GALNT13: variants seen among roughly 807,000 people sequenced by gnomAD.
GALNT13 encodes the protein UDP-GalNAc:polypeptide N-acetylgalactosaminyltransferase 13.
In GALNT13, 28 loss-of-function variants were observed where a neutral mutation model predicts 64.2. The observed-to-expected ratio is 0.44, with a 90% CI of 0.32 to 0.60. The LOEUF is 0.60. Among genes scored for constraint, GALNT13 ranks in the 20% least tolerant of loss-of-function variants. The probability of loss-of-function intolerance (pLI) is 0.05; values close to 1 mark genes in which losing one functional copy is unlikely to be tolerated. For missense variants in GALNT13, 577 were observed against 669.8 expected, an observed-to-expected ratio of 0.86 and a Z score of 1.53; for synonymous variants, 214 against 224.6, an observed-to-expected ratio of 0.95 and a Z score of 0.42.
chr2:154,304,798 T>A (rs1203814980), intron 9 of GALNT13, among the ~76,000 whole-genome samples: 2 of 152,204 alleles, frequency 1.3e-5, no homozygotes, highest in Admixed American at 1.3e-4. Context: ...ATGGATTTAT[T>A]TAAATGTAGA....
intron 8 of GALNT13, among the ~76,000 whole-genome samples, chr2:154,276,620 A>T (rs1691665419): frequency 6.6e-6 from 1 of 152,218 alleles, no homozygotes; most frequent in Non-Finnish European, 1.5e-5. Context: ...CTCATTGGGA[A>T]TGCATGATTG....
chr2:154,223,448 CTTTTTTTTTTTTT>C (rs61230257), intron 4 of GALNT13, among the ~76,000 whole-genome samples: 1 of 124,310 alleles, frequency 8.0e-6, no homozygotes, highest in Non-Finnish European at 1.7e-5. Flanking sequence ...TTTTCTTTTT[CTTTTTTTTTTTTT>C]TTTTTTTGAG....
the GALNT13 span, among the ~76,000 whole-genome samples, chr2:153,301,322 A>G: frequency 2.7e-5 from 4 of 150,474 alleles, no homozygotes; most frequent in African/African-American, 9.8e-5. Flanking sequence ...AAAAAAAGAA[A>G]AAAAAAAAGA....
chr2:154,365,295 A>G (rs561588928), intron 9 of GALNT13, among the ~76,000 whole-genome samples: 12 of 152,286 alleles, frequency 7.9e-5, no homozygotes, highest in African/African-American at 2.9e-4. Context: ...GTTGGATATA[A>G]ATGATTTTCA....
the GALNT13 span, among the ~76,000 whole-genome samples, chr2:153,269,138 T>C: frequency 1.5e-3 from 225 of 152,330 alleles, no homozygotes; most frequent in African/African-American, 5.2e-3. Context: ...TTCTACCTTG[T>C]GGTCAGGCTG....
the GALNT13 span, among the ~76,000 whole-genome samples, chr2:153,126,936 T>TTGGA: frequency 0.046 from 7,019 of 152,174 alleles, 259 homozygotes; most frequent in East Asian, 0.18. Flanking sequence ...TAATTTTTCG[T>TTGGA]TGGCTGGCTG....
chr2:154,144,779 G>A (rs950176063), intron 4 of GALNT13, among the ~76,000 whole-genome samples: 1 of 151,842 alleles, frequency 6.6e-6, no homozygotes, highest in African/African-American at 2.4e-5. Flanking sequence ...TTTTCTTGGA[G>A]GCAGTTGTGA....
the GALNT13 span, among the ~76,000 whole-genome samples, chr2:153,239,237 G>A: frequency 6.6e-6 from 1 of 151,956 alleles, no homozygotes; most frequent in Admixed American, 6.6e-5. Flanking sequence ...ATTTCTTGTT[G>A]GCGTTTTTAG....
At chr2:153,371,465 T>G in the GALNT13 span, among the ~76,000 whole-genome samples, 2 of 151,806 alleles carry the variant, frequency 1.3e-5, no homozygotes, top group East Asian at 3.9e-4. Flanking sequence ...AAGAAAAGAG[T>G]TTATCCAGGT....
the GALNT13 span, among the ~76,000 whole-genome samples, chr2:153,446,049 T>C: frequency 6.6e-6 from 1 of 152,190 alleles, no homozygotes; most frequent in Admixed American, 6.5e-5. Flanking sequence ...TCTCTATATA[T>C]AAAGTTTACG....
At chr2:154,183,266 A>G in intron 4 of GALNT13, among the ~76,000 whole-genome samples, 1 of 152,134 alleles carries the variant, frequency 6.6e-6, no homozygotes, top group East Asian at 1.9e-4. Context: ...TTGTATGTTT[A>G]TAGAAATTTA....
chr2:153,653,270 G>A, the GALNT13 span, among the ~76,000 whole-genome samples: 1 of 152,152 alleles, frequency 6.6e-6, no homozygotes, highest in African/African-American at 2.4e-5. Flanking sequence ...TTCAAGCTCA[G>A]CAAAGCTTCA....
the GALNT13 span, among the ~76,000 whole-genome samples, chr2:153,095,317 T>C: frequency 8.5e-3 from 1,301 of 152,202 alleles, 10 homozygotes; most frequent in Non-Finnish European, 0.013. Context: ...ATCAGAGAAA[T>C]GCAAATCAAA....
chr2:153,497,739 T>G, the GALNT13 span, among the ~76,000 whole-genome samples: 1 of 151,902 alleles, frequency 6.6e-6, no homozygotes, highest in Admixed American at 6.6e-5. Context: ...GGTTTCACCA[T>G]GTTGGCCAGG....
intron 4 of GALNT13, among the ~76,000 whole-genome samples, chr2:154,237,677 T>G (rs1009325987): frequency 2.6e-5 from 4 of 151,408 alleles, no homozygotes; most frequent in African/African-American, 9.7e-5. Flanking sequence ...TGTTAAGATG[T>G]GCAGTTTTTT....
At chr2:154,233,286 T>G (rs114239735) in intron 4 of GALNT13, among the ~76,000 whole-genome samples, 2 of 152,100 alleles carry the variant, frequency 1.3e-5, no homozygotes, top group Non-Finnish European at 2.9e-5. Context: ...GAAGGTCTTT[T>G]AATGTATTGT....
chr2:153,292,449 A>G, the GALNT13 span, among the ~76,000 whole-genome samples: 6 of 152,214 alleles, frequency 3.9e-5, no homozygotes, highest in Non-Finnish European at 1.5e-5. Context: ...AGACAGTGGG[A>G]AACAGTAGGA....
the GALNT13 span, among the ~76,000 whole-genome samples, chr2:153,797,283 T>A: frequency 6.6e-6 from 1 of 152,182 alleles, no homozygotes; most frequent in Admixed American, 6.5e-5. Context: ...GCATTGCAAT[T>A]GGGCTATAAA....
At chr2:153,164,539 G>A in the GALNT13 span, among the ~76,000 whole-genome samples, 4 of 152,218 alleles carry the variant, frequency 2.6e-5, no homozygotes, top group East Asian at 5.8e-4. Context: ...CATGTTTAAT[G>A]TATATATTTT....
Sources: gnomAD v4.1 joint callset for allele counts (sites outside exome capture counted in the v4.1 genomes callset) on GRCh38, gnomAD v4.1.1 for gene constraint, MANE v1.5 for transcripts, NCBI Gene and HGNC (gene_info 2026-07-23, HGNC 2026-07-21) for gene names.